Variants in CACHD1 observed in about 807,000 individuals in gnomAD.
CACHD1 encodes the protein cache domain containing 1, also known as VWFA and cache domain-containing protein 1.
Under a neutral mutation model 138.7 loss-of-function variants are expected in CACHD1, and 71 were observed. The ratio of observed to expected loss-of-function variants is 0.51; its 90% CI spans 0.42 to 0.62. CACHD1 has a LOEUF of 0.62. Ranked by LOEUF, CACHD1 falls within the 20% of genes least tolerant of loss-of-function variation. The pLI is 0.00. For missense variants in CACHD1, 1,389 were observed against 1,625.3 expected (o/e 0.85, Z 2.50); for synonymous variants, 578 against 591.5 (o/e 0.98, Z 0.33).
intron 1 of CACHD1, among the ~76,000 whole-genome samples, chr1:64,500,580 C>T (rs1646332216): frequency 6.6e-6 from 1 of 151,988 alleles, no homozygotes; most frequent in Admixed American, 6.6e-5. Context: ...CGGCCGGGCT[C>T]AGTGGCTCAT....
At position 64,470,777 on chromosome 1, in the gene CACHD1, C is replaced by G. The variant is rs1245860432; in HGVS notation, c.33C>G (p.Ala11=). ...GCCAGCCGGAGGAAGAGGAGACGGC[C>G]GTGGCCCGGGCGCGGCGGCCGCCCC... MARQPEEEET[A]VARARRPPLW... is the part of the protein sequence containing the mutation. Residue 11 remains alanine, a synonymous_variant, in exon 1 of 27, where the codon GCC becomes GCG. Transcript: ENST00000651257. The surrounding 1 kb of genome is among the most constrained non-coding windows in gnomAD (Gnocchi z 5.2). 1 of 951,536 alleles carries G rather than the reference C, an allele frequency of 1.1e-6. No homozygotes were observed. The highest frequency in any genetic ancestry group is 1.6e-6 in the Non-Finnish European group (1 of 631,424). The allele number at this position is 951,536 out of a possible 1,614,324, so 58.9% of individuals were successfully genotyped here. A position where few individuals can be genotyped will look rare whatever the true frequency, so the allele number is the denominator to read the frequency against.
intron 4 of CACHD1, among the ~76,000 whole-genome samples, chr1:64,603,755 G>A (rs1647261568): frequency 6.6e-6 from 1 of 152,122 alleles, no homozygotes; most frequent in Non-Finnish European, 1.5e-5. Flanking sequence ...ATAACTACTG[G>A]TTAGCTCCAA....
intron 1 of CACHD1, 42 bp from the exon 2 acceptor site, chr1:64,550,552 A>T (rs1328579635): frequency 7.1e-7 from 1 of 1,410,884 alleles, no homozygotes. Context: ...GTAGAAAATG[A>T]CTTATTTAGA....
At chr1:64,534,688 A>C (rs1349195301) in intron 1 of CACHD1, among the ~76,000 whole-genome samples, 1 of 152,228 alleles carries the variant, frequency 6.6e-6, no homozygotes, top group Non-Finnish European at 1.5e-5. Context: ...CATCTTCCAG[A>C]GCCTAGCTTG....
intron 1 of CACHD1, among the ~76,000 whole-genome samples, chr1:64,499,945 G>GAAGC: frequency 6.6e-6 from 1 of 152,338 alleles, no homozygotes; most frequent in Middle Eastern, 3.4e-3. Flanking sequence ...TAACACAGAA[G>GAAGC]AAGCTAAGAA....
At chr1:64,617,167 A>C (rs1482250118) in intron 4 of CACHD1, among the ~76,000 whole-genome samples, 95 of 152,116 alleles carry the variant, frequency 6.2e-4, no homozygotes, top group South Asian at 2.1e-3. Context: ...AAAACAAAAA[A>C]AAAAACCAGC....
At chr1:64,520,573 C>T (rs1197277684) in intron 1 of CACHD1, among the ~76,000 whole-genome samples, 1 of 152,194 alleles carries the variant, frequency 6.6e-6, no homozygotes, top group Non-Finnish European at 1.5e-5. Flanking sequence ...ATTACCTATA[C>T]TGAATTATTG....
intron 1 of CACHD1, among the ~76,000 whole-genome samples, chr1:64,492,171 A>C (rs1325286948): frequency 6.6e-6 from 1 of 151,294 alleles, no homozygotes; most frequent in Non-Finnish European, 1.5e-5. Flanking sequence ...AATTGTTTTC[A>C]TCTAGGTAGC....
At chr1:64,630,629 C>A (rs562336202) in intron 5 of CACHD1, among the ~76,000 whole-genome samples, 1 of 152,266 alleles carries the variant, frequency 6.6e-6, no homozygotes, top group Admixed American at 6.5e-5. Flanking sequence ...CCTTTCCCTC[C>A]CCACACATTC....
At chr1:64,634,312 T>TAGGAATATA (rs775686280) in intron 7 of CACHD1, 52 bp downstream of exon 7, 12 of 1,250,380 alleles carry the variant, frequency 9.6e-6, no homozygotes, top group Non-Finnish European at 1.3e-5. Flanking sequence ...AAGATGGCAA[T>TAGGAATATA]AGGAATATAT....
chr1:64,499,317 C>A (rs923779241), intron 1 of CACHD1, among the ~76,000 whole-genome samples: 7 of 152,162 alleles, frequency 4.6e-5, no homozygotes, highest in African/African-American at 1.7e-4. Context: ...GCAACTGGAA[C>A]AATACGCTTC....
At chr1:64,666,947 GTTGT>G (rs1324149055) in intron 16 of CACHD1, among the ~76,000 whole-genome samples, 1 of 149,598 alleles carries the variant, frequency 6.7e-6, no homozygotes, top group Non-Finnish European at 1.5e-5. Flanking sequence ...AATTAAATAA[GTTGT>G]TTGTTTGGTT....
chr1:64,568,773 C>G (rs1452771538), intron 2 of CACHD1, among the ~76,000 whole-genome samples: 2 of 152,146 alleles, frequency 1.3e-5, no homozygotes, highest in Admixed American at 1.3e-4. Flanking sequence ...TGCTTACATA[C>G]ACTCATGCAC....
intron 1 of CACHD1, among the ~76,000 whole-genome samples, chr1:64,481,826 A>G (rs1646213194): frequency 6.6e-6 from 1 of 152,252 alleles, no homozygotes; most frequent in Non-Finnish European, 1.5e-5. Flanking sequence ...TTAATGATCT[A>G]TAAATATGCT....
At chr1:64,481,394 G>A (rs911477969) in intron 1 of CACHD1, among the ~76,000 whole-genome samples, 7 of 152,186 alleles carry the variant, frequency 4.6e-5, no homozygotes, top group Admixed American at 3.9e-4. Context: ...GCAAACCAGT[G>A]AAAATGAATC....
At chr1:64,669,649 A>G (rs1273741608) in intron 16 of CACHD1, among the ~76,000 whole-genome samples, 1 of 152,008 alleles carries the variant, frequency 6.6e-6, no homozygotes, top group Non-Finnish European at 1.5e-5. Context: ...AAGTATTGCA[A>G]ACAGCCTGGT....
chr1:64,589,476 G>A (rs1279845272), intron 3 of CACHD1, among the ~76,000 whole-genome samples: 1 of 151,842 alleles, frequency 6.6e-6, no homozygotes, highest in Non-Finnish European at 1.5e-5. Context: ...CCAATAGCGT[G>A]TGTGTGTGTG....
At chr1:64,648,146 A>T in intron 9 of CACHD1, 112 bp downstream of exon 9, 1 of 760,470 alleles carries the variant, frequency 1.3e-6, no homozygotes, top group Non-Finnish European at 2.2e-6. Context: ...CACCTGTCCT[A>T]TATCTCTGTA....
At chr1:64,526,134 G>A (rs991253453) in intron 1 of CACHD1, among the ~76,000 whole-genome samples, 5 of 152,154 alleles carry the variant, frequency 3.3e-5, no homozygotes, top group East Asian at 1.9e-4. Flanking sequence ...CTCAGAGCCC[G>A]TGTGTTGGTT....
Sources: gnomAD v4.1 joint callset for allele counts (sites outside exome capture counted in the v4.1 genomes callset) on GRCh38, gnomAD v4.1.1 for gene constraint, Gnocchi (gnomAD v3.1) non-coding constraint, MANE v1.5 for transcripts, NCBI Gene and HGNC (gene_info 2026-07-23, HGNC 2026-07-21) for gene names.